SEMA3A: variants seen among roughly 807,000 people sequenced by gnomAD.
SEMA3A encodes the protein semaphorin 3A.
SEMA3A carries 29 observed loss-of-function variants against 97.9 expected under a neutral mutation model. That is an observed-to-expected ratio of 0.30 (90% CI 0.22 to 0.40). SEMA3A has a LOEUF of 0.40. Ranked by LOEUF, SEMA3A falls within the 10% of genes least tolerant of loss-of-function variation. The pLI, the probability that SEMA3A is intolerant of heterozygous loss-of-function variation, is 1.00. For missense variants in SEMA3A, 763 were observed against 951.3 expected, an observed-to-expected ratio of 0.80 and a Z score of 2.60; for synonymous variants, 321 against 323.7, an observed-to-expected ratio of 0.99 and a Z score of 0.09.
At chr7:84,018,439 AT>A (rs1253624950) in intron 6 of SEMA3A, among the ~76,000 whole-genome samples, 5 of 152,144 alleles carry the variant, frequency 3.3e-5, no homozygotes, top group African/African-American at 1.2e-4. Context: ...TTAAGGTAAA[AT>A]TTTTTTGTCT....
At chr7:84,029,254 C>A (rs1791654595) in intron 6 of SEMA3A, among the ~76,000 whole-genome samples, 2 of 152,084 alleles carry the variant, frequency 1.3e-5, no homozygotes, top group African/African-American at 4.8e-5. Context: ...TTTCTAATGA[C>A]TGTTTAAGAG....
intron 2 of SEMA3A, among the ~76,000 whole-genome samples, chr7:84,355,669 A>G (rs1455544508): frequency 2.6e-5 from 4 of 151,990 alleles, no homozygotes; most frequent in Non-Finnish European, 4.4e-5. Context: ...TCTCAGTCTA[A>G]TCTATTTTTA....
intron 15 of SEMA3A, among the ~76,000 whole-genome samples, chr7:83,975,285 T>C (rs1789098465): frequency 6.6e-6 from 1 of 152,142 alleles, no homozygotes; most frequent in African/African-American, 2.4e-5. Context: ...GAATATGCCA[T>C]TAAGATTATA....
intron 2 of SEMA3A, among the ~76,000 whole-genome samples, chr7:84,312,872 T>TTATATATA (rs377261705): frequency 1.0e-4 from 5 of 48,848 alleles, no homozygotes; most frequent in African/African-American, 2.0e-4. Context: ...TGGTGTTGTT[T>TTATATATA]TATATATATA....
chr7:84,252,869 C>G (rs1799640219), intron 3 of SEMA3A, among the ~76,000 whole-genome samples: 1 of 151,708 alleles, frequency 6.6e-6, no homozygotes, highest in African/African-American at 2.4e-5. Flanking sequence ...AGTTACTTAT[C>G]TTTATTTTTA....
chr7:84,357,368 A>G (rs12691007), intron 2 of SEMA3A, among the ~76,000 whole-genome samples: 117,711 of 150,162 alleles, frequency 0.78, 47,501 homozygotes, highest in East Asian at 1. Flanking sequence ...TCCCACCTAT[A>G]AGTGAGAACA....
intron 6 of SEMA3A, among the ~76,000 whole-genome samples, chr7:84,031,593 G>A (rs1791757662): frequency 6.6e-6 from 1 of 152,070 alleles, no homozygotes; most frequent in African/African-American, 2.4e-5. Flanking sequence ...CAGCACTTTG[G>A]GAGGCTGAGG....
rs1453596753 is a variant in SEMA3A, at chr7:84,303,071, A to G, written c.-83+4136T>C. ...TGAAGTTGGACTTGTGCAAACATGC[A>G]ATGAAGTTTTTCAAAGAGGTAGGTG... On this transcript the variant is annotated intron_variant, in intron 3 of 3. Transcript: ENST00000424555. Among the ~76,000 whole-genome samples the G allele has an allele frequency of 3.3e-5, 5 of 152,322 alleles. No individual in the cohort carries two copies. In the South Asian group the frequency reaches 6.2e-4, roughly 19 times the overall value.
chr7:84,005,808 G>T (rs1392047549), intron 10 of SEMA3A, among the ~76,000 whole-genome samples: 2 of 151,984 alleles, frequency 1.3e-5, no homozygotes, highest in Admixed American at 1.3e-4. Context: ...AATTAGCTGG[G>T]CGTGATGGTG....
intron 1 of SEMA3A, among the ~76,000 whole-genome samples, chr7:84,153,491 A>T (rs1347465302): frequency 6.6e-6 from 1 of 152,174 alleles, no homozygotes; most frequent in East Asian, 1.9e-4. Context: ...AATGAGAATA[A>T]AAGGTGAATT....
chr7:84,467,688 T>G (rs1297822096), intron 1 of SEMA3A, among the ~76,000 whole-genome samples: 2 of 152,074 alleles, frequency 1.3e-5, no homozygotes, highest in African/African-American at 4.8e-5. Flanking sequence ...ATCATTAACT[T>G]TCTGAGAACT....
chr7:84,355,655 A>G (rs1158907433), intron 2 of SEMA3A, among the ~76,000 whole-genome samples: 2 of 151,900 alleles, frequency 1.3e-5, no homozygotes, highest in Admixed American at 1.3e-4. Context: ...TCTCATCAGT[A>G]ATTTCTCAGT....
chr7:84,170,558 T>C (rs1162640374), intron 1 of SEMA3A, among the ~76,000 whole-genome samples: 3 of 152,034 alleles, frequency 2.0e-5, no homozygotes, highest in African/African-American at 7.2e-5. Context: ...TGCATAAAAC[T>C]TTATATGGAG....
chr7:83,960,006 C>T lies in SEMA3A; in HGVS notation c.*1365G>A, dbSNP rs1788405612. The T allele has an allele frequency of 6.6e-6, 1 of 152,006 alleles. No individual in the cohort carries two copies. Among genetic ancestry groups the T allele is most frequent in the South Asian group, 2.1e-4 (1 of 4,826 alleles). The allele number at this position is 152,006 out of a possible 1,614,324, so 9.4% of individuals were successfully genotyped here. On this transcript the variant is annotated 3_prime_UTR_variant, in exon 17 of 17. Coordinates refer to ENST00000265362, the MANE Select transcript of SEMA3A (RefSeq NM_006080.3). ...AAATACTTTGTAGAAAAGTCCCTCCCATTGATATGAAAAGAGTCATGTGTT... is the reference window on the plus strand; with the variant it reads ...AAATACTTTGTAGAAAAGTCCCTCCTATTGATATGAAAAGAGTCATGTGTT...
chr7:84,472,117 G>T (rs1584348802), intron 1 of SEMA3A, among the ~76,000 whole-genome samples: 2 of 151,956 alleles, frequency 1.3e-5, no homozygotes, highest in East Asian at 3.9e-4. Context: ...AATATATATG[G>T]CTATAATAGA....
At chr7:84,425,124 T>A (rs867723069) in intron 1 of SEMA3A, among the ~76,000 whole-genome samples, 52 of 110,096 alleles carry the variant, frequency 4.7e-4, no homozygotes, top group Non-Finnish European at 7.6e-4. Flanking sequence ...TTATATAAAT[T>A]ATTTATATAT....
At chr7:84,300,930 C>T (rs866779536) in intron 3 of SEMA3A, among the ~76,000 whole-genome samples, 25 of 152,180 alleles carry the variant, frequency 1.6e-4, no homozygotes, top group Admixed American at 9.2e-4. Flanking sequence ...GGCCTTAAAA[C>T]AACTCTGAAT....
At chr7:84,148,480 T>C (rs1217733169) in intron 1 of SEMA3A, among the ~76,000 whole-genome samples, 1 of 152,174 alleles carries the variant, frequency 6.6e-6, no homozygotes, top group East Asian at 1.9e-4. Context: ...ATTGTAATCT[T>C]AGTCACAATA....
intron 3 of SEMA3A, among the ~76,000 whole-genome samples, chr7:84,217,744 G>A (rs1404301432): frequency 6.6e-6 from 1 of 150,976 alleles, no homozygotes; most frequent in East Asian, 1.9e-4. Context: ...CTGAGTGGCA[G>A]AGTGAGACTC....
Sources: allele counts gnomAD v4.1 joint callset (sites outside exome capture counted in the v4.1 genomes callset), GRCh38; gene constraint gnomAD v4.1.1; transcripts MANE v1.5; gene names NCBI Gene and HGNC (gene_info 2026-07-23, HGNC 2026-07-21).